Variants in ANKRD30B observed in about 807,000 individuals in gnomAD.
The protein encoded by ANKRD30B is ankyrin repeat domain-containing protein 30B.
A neutral mutation model predicts 202.2 loss-of-function variants in ANKRD30B; 144 were observed. The observed-to-expected ratio is 0.71, with a 90% confidence interval of 0.62 to 0.82. The LOEUF (loss-of-function observed/expected upper bound fraction) is 0.82. Among genes scored for constraint, ANKRD30B ranks in the 40% least tolerant of loss-of-function variants. ANKRD30B has a pLI of 0.00. For missense variants in ANKRD30B, 1,487 were observed against 1,669.1 expected (o/e 0.89, Z 1.90); for synonymous variants, 508 against 561.3 (o/e 0.91, Z 1.34).
intron 34 of ANKRD30B, among the ~76,000 whole-genome samples, chr18:14,836,477 CATATCTT>C (rs1971178223): frequency 6.6e-6 from 1 of 151,982 alleles, no homozygotes; most frequent in African/African-American, 2.4e-5. Context: ...TATAATTTTC[CATATCTT>C]ATTACCATAA....
At chr18:14,878,491 G>A in the ANKRD30B span, among the ~76,000 whole-genome samples, 1 of 151,968 alleles carries the variant, frequency 6.6e-6, no homozygotes, top group Non-Finnish European at 1.5e-5. Flanking sequence ...ACAGTGAAAA[G>A]CCCCAAAGGT....
Position 14,797,668 on chromosome 18 carries a change from T to A in ANKRD30B, c.1935T>A (p.Pro645=). The stretch of plus-strand genomic sequence containing the variant: ...ATGTCCCTTTTCTTTTAGAGTCTCC[T>A]GATAAAGATGGTCTTCTGAAGGTAA... ...KDRETFKAES[P]DKDGLLKPTC... The change falls in exon 19 of 44, where the codon CCT becomes CCA. Residue 645 remains proline (P), a synonymous_variant. Transcript: ENST00000690538. 6.2e-7 allele frequency: 1 copy of A among 1,608,416 alleles called. No homozygotes were observed. Among genetic ancestry groups the A allele is most frequent in the Non-Finnish European group, 8.5e-7 (1 of 1,175,090 alleles).
intron 9 of ANKRD30B, among the ~76,000 whole-genome samples, chr18:14,773,149 G>A (rs766072457): frequency 5.9e-5 from 9 of 152,212 alleles, no homozygotes; most frequent in African/African-American, 1.9e-4. Flanking sequence ...CATATAGTAA[G>A]ATTTTAATTT....
the ANKRD30B span, among the ~76,000 whole-genome samples, chr18:14,918,711 G>C: frequency 1.4e-4 from 21 of 152,170 alleles, no homozygotes; most frequent in African/African-American, 5.1e-4. Context: ...ATGCAGTGAA[G>C]ACTATGGTCT....
the ANKRD30B span, among the ~76,000 whole-genome samples, chr18:14,907,175 G>A: frequency 6.6e-6 from 1 of 151,956 alleles, no homozygotes; most frequent in Non-Finnish European, 1.5e-5. Flanking sequence ...AGGCAGGTCC[G>A]ACCCCCACTC....
At chr18:14,848,138 A>T (rs1159658457) in intron 39 of ANKRD30B, among the ~76,000 whole-genome samples, 1 of 152,084 alleles carries the variant, frequency 6.6e-6, no homozygotes, top group Non-Finnish European at 1.5e-5. Context: ...AAACATTCAT[A>T]AGGTTTGCTT....
chr18:14,756,275 T>C (rs538640072), intron 4 of ANKRD30B, among the ~76,000 whole-genome samples: 2,468 of 152,300 alleles, frequency 0.016, 74 homozygotes, highest in African/African-American at 0.057. Flanking sequence ...TGTAAATTTG[T>C]TTGAGTTCAT....
At chr18:14,934,783 G>A in the ANKRD30B span, among the ~76,000 whole-genome samples, 5 of 152,266 alleles carry the variant, frequency 3.3e-5, no homozygotes, top group South Asian at 1.0e-3. Context: ...AGGCATCTGG[G>A]AGCAGTCATG....
At chr18:14,806,202 A>T (rs1196615670) in intron 24 of ANKRD30B, among the ~76,000 whole-genome samples, 3 of 143,954 alleles carry the variant, frequency 2.1e-5, no homozygotes, top group African/African-American at 7.9e-5. Flanking sequence ...CCTGGGTGAC[A>T]GGGCGAGACA....
intron 20 of ANKRD30B, among the ~76,000 whole-genome samples, chr18:14,798,702 C>G (rs1969096226): frequency 6.6e-6 from 1 of 152,120 alleles, no homozygotes; most frequent in South Asian, 2.1e-4. Flanking sequence ...ATTCCCAGAG[C>G]TATGAACATA....
At chr18:14,773,594 A>G (rs1230636916) in intron 9 of ANKRD30B, among the ~76,000 whole-genome samples, 1 of 152,130 alleles carries the variant, frequency 6.6e-6, no homozygotes, top group Admixed American at 6.5e-5. Context: ...AAAGAAGATT[A>G]CACTATATTT....
In ANKRD30B at chr18:14,772,169, C is replaced by G; in HGVS notation, c.1270C>G (p.Arg424Gly). ...TTTTCTTTAAAGTCTTTTTGGCACA[C>G]GGACTATTGAAAATTCACAGTGTAC... Reference protein sequence around the residue: ...VEPIFSLFGTRTIENSQCTKV... With the variant: ...VEPIFSLFGTGTIENSQCTKV... Residue 424 changes from arginine (R) to glycine (G), a missense_variant, in exon 9 of 44, where the codon CGG becomes GGG. Physicochemically the swap from Arg to Gly is moderately radical, Grantham distance 125. Around this residue, in one of 6 missense-constraint regions of ANKRD30B, gnomAD observed 889 missense variants for 841.4 expected, o/e 1.06. Coordinates refer to ENST00000690538, the MANE Select transcript of ANKRD30B (RefSeq NM_001367607.2). 6.7e-7 allele frequency: 1 copy of G among 1,495,934 alleles called. No individual in the cohort carries two copies. The highest frequency in any genetic ancestry group is 1.4e-5 in the South Asian group (1 of 73,850). The allele number at this position is 1,495,934 out of a possible 1,614,324, so 92.7% of individuals were successfully genotyped here. A position where few individuals can be genotyped will look rare whatever the true frequency, so the allele number is the denominator to read the frequency against.
At chr18:14,875,599 T>C in the ANKRD30B span, among the ~76,000 whole-genome samples, 1 of 152,190 alleles carries the variant, frequency 6.6e-6, no homozygotes, top group Non-Finnish European at 1.5e-5. Context: ...GGCTCCTCCA[T>C]GTCCACAGTT....
chr18:14,831,065 G>A (rs1452709817), intron 33 of ANKRD30B, among the ~76,000 whole-genome samples: 1 of 151,062 alleles, frequency 6.6e-6, no homozygotes, highest in African/African-American at 2.4e-5. Context: ...TCCAGCCCCA[G>A]CTACTGGGGA....
chr18:14,762,950 T>C (rs2143724022), intron 6 of ANKRD30B, among the ~76,000 whole-genome samples: 1 of 152,276 alleles, frequency 6.6e-6, no homozygotes, highest in South Asian at 2.1e-4. Flanking sequence ...CAACAGAATT[T>C]CCTTAAAAAT....
chr18:14,854,217 C>T lies in ANKRD30B; in HGVS notation c.*59C>T, dbSNP rs1971999556. On this transcript the variant is annotated 3_prime_UTR_variant, in exon 44 of 44. Transcript: ENST00000690538. ...ATTAAACAGTAAAGTTTATTGTGAA[C>T]ATTTGCTTCTTTTTCCATTTTAAAG... Among the ~76,000 whole-genome samples, 1 of 151,354 alleles carries T rather than the reference C, an allele frequency of 6.6e-6. No individual in the cohort carries two copies. Among genetic ancestry groups the T allele is most frequent in the African/African-American group, 2.4e-5 (1 of 41,124 alleles).
chr18:14,807,051 T>C lies in ANKRD30B; in HGVS notation c.2285-1500T>C, dbSNP rs994760895. ...AAAACACATACCTGCAACACGGTCA[T>C]GCATATTTAGCCTTAAAATGCTTGC... On this transcript the variant is annotated intron_variant, in intron 24 of 43. Coordinates refer to ENST00000690538, the MANE Select transcript of ANKRD30B (RefSeq NM_001367607.2). Among the ~76,000 whole-genome samples, 11 of 151,182 alleles carry C rather than the reference T, an allele frequency of 7.3e-5. 1 individual carries two copies. The highest frequency in any genetic ancestry group is 1.5e-4 in the Non-Finnish European group (10 of 67,828).
chr18:14,919,028 C>T, the ANKRD30B span, among the ~76,000 whole-genome samples: 1 of 152,224 alleles, frequency 6.6e-6, no homozygotes, highest in Admixed American at 6.5e-5. Context: ...TTGGACTTCC[C>T]AGCCTCCAGA....
chr18:14,833,339 C>T (rs1005644484), intron 34 of ANKRD30B, among the ~76,000 whole-genome samples: 1 of 151,868 alleles, frequency 6.6e-6, no homozygotes, highest in East Asian at 1.9e-4. Flanking sequence ...AGCCCCACCT[C>T]CCGGGTTCAC....
Sources: gnomAD v4.1 joint callset for allele counts (sites outside exome capture counted in the v4.1 genomes callset) on GRCh38, gnomAD v4.1.1 for gene constraint, gnomAD v4.1.1 regional missense constraint, MANE v1.5 for transcripts, NCBI Gene and HGNC (gene_info 2026-07-23, HGNC 2026-07-21) for gene names.